Variants in SLC41A2 observed in about 807,000 individuals in gnomAD.
SLC41A2 encodes the protein SLC41A1-like 1.
SLC41A2 carries 32 observed loss-of-function variants against 58.3 expected under a neutral mutation model. That is an observed-to-expected ratio of 0.55 (90% CI 0.41 to 0.74). The LOEUF (loss-of-function observed/expected upper bound fraction) is 0.74. Ranked by LOEUF, SLC41A2 falls within the 30% of genes least tolerant of loss-of-function variation. The pLI is 0.00. For missense variants in SLC41A2, 514 were observed against 680.6 expected (o/e 0.76, Z 2.72); for synonymous variants, 190 against 235.0 (o/e 0.81, Z 1.75).
At position 104,928,313 on chromosome 12, in the gene SLC41A2, G is replaced by A. The variant is rs762575213; in HGVS notation, c.215C>T (p.Ala72Val). ...AGATCTATTACTAAAAGTCTGTACT[G>A]CAGTTGATAATCCATCTTGCCAAAT... ...NGIWQDGLST[A>V]VQTFSNRSEQ... The change falls in exon 2 of 11, where the codon GCA becomes GTA. Residue 72 changes from alanine (A) to valine (V), a missense_variant. Ala to Val is a moderately conservative substitution (Grantham distance 64, BLOSUM62 0). This residue lies in a region of SLC41A2 where 336 missense variants were observed against 430.0 expected (regional missense o/e 0.78). Transcript: ENST00000258538. The A allele has an allele frequency of 6.2e-7, 1 of 1,613,396 alleles. No individual in the cohort carries two copies. Among genetic ancestry groups the A allele is most frequent in the Admixed American group, 1.7e-5 (1 of 59,910 alleles).
chr12:104,879,394 T>C (rs2044242041), intron 6 of SLC41A2, among the ~76,000 whole-genome samples: 2 of 152,250 alleles, frequency 1.3e-5, no homozygotes, highest in Admixed American at 1.3e-4. Flanking sequence ...CATGCCTATG[T>C]CCCGAATGGT....
At chr12:104,878,920 C>T (rs1295394299) in intron 6 of SLC41A2, among the ~76,000 whole-genome samples, 1 of 152,156 alleles carries the variant, frequency 6.6e-6, no homozygotes, top group African/African-American at 2.4e-5. Flanking sequence ...CTAGTTTACA[C>T]TCCCACCAAC....
At chr12:104,853,411 C>T (rs780096017) in intron 8 of SLC41A2, among the ~76,000 whole-genome samples, 8 of 152,206 alleles carry the variant, frequency 5.3e-5, no homozygotes, top group Non-Finnish European at 8.8e-5. Context: ...CACCTATCCT[C>T]CTCTCAAGAC....
intron 10 of SLC41A2, chr12:104,834,016 T>C (rs990638529): frequency 2.0e-6 from 2 of 985,350 alleles, no homozygotes; most frequent in Non-Finnish European, 2.4e-6. Context: ...GAAAAGATGG[T>C]TGAGCTTCCC....
intron 2 of SLC41A2, among the ~76,000 whole-genome samples, chr12:104,913,410 C>T (rs1029323471): frequency 2.6e-5 from 4 of 152,190 alleles, no homozygotes; most frequent in African/African-American, 9.7e-5. Flanking sequence ...ATCTTGACTG[C>T]TCCCACCCTC....
At chr12:104,874,482 T>C (rs2043953161) in intron 6 of SLC41A2, among the ~76,000 whole-genome samples, 1 of 152,190 alleles carries the variant, frequency 6.6e-6, no homozygotes, top group Non-Finnish European at 1.5e-5. Flanking sequence ...CTTCAGGCGT[T>C]ATGTTTAGGT....
chr12:104,932,624 C>CAA (rs544329617), intron 1 of SLC41A2, among the ~76,000 whole-genome samples: 586 of 45,394 alleles, frequency 0.013, 22 homozygotes, highest in African/African-American at 0.039. Context: ...GACTTTGTCT[C>CAA]AAAAAAAAAA....
chr12:104,929,468 G>T (rs943235385), intron 1 of SLC41A2, among the ~76,000 whole-genome samples: 5 of 152,238 alleles, frequency 3.3e-5, no homozygotes, highest in African/African-American at 1.2e-4. Context: ...ATAGTTCTCA[G>T]TCTGCTCTGG....
At chr12:104,891,703 G>C (rs2044981617) in intron 4 of SLC41A2, among the ~76,000 whole-genome samples, 1 of 151,590 alleles carries the variant, frequency 6.6e-6, no homozygotes, top group Non-Finnish European at 1.5e-5. Flanking sequence ...AAAGCAATCA[G>C]ATAAGAGAAA....
At chr12:104,856,753 A>G (rs2043034009) in intron 8 of SLC41A2, among the ~76,000 whole-genome samples, 1 of 152,098 alleles carries the variant, frequency 6.6e-6, no homozygotes, top group Non-Finnish European at 1.5e-5. Flanking sequence ...AAGAAGTTAA[A>G]AATAGACATT....
At chr12:104,825,794 G>A (rs888523314) in intron 10 of SLC41A2, among the ~76,000 whole-genome samples, 10 of 152,192 alleles carry the variant, frequency 6.6e-5, no homozygotes, top group African/African-American at 2.4e-4. Context: ...AAATGGGCAG[G>A]ACCAATTCCT....
chr12:104,830,825 T>G (rs925314721), intron 10 of SLC41A2, among the ~76,000 whole-genome samples: 2 of 152,210 alleles, frequency 1.3e-5, no homozygotes, highest in African/African-American at 4.8e-5. Context: ...ACAAGCTATT[T>G]CCTACATTAT....
chr12:104,928,280 T>G lies in SLC41A2; in HGVS notation c.248A>C (p.His83Pro), dbSNP rs1479947210. 2.5e-6 allele frequency: 4 copies of G among 1,613,484 alleles called. No individual in the cohort carries two copies. The highest frequency in any genetic ancestry group is 2.5e-6 in the Non-Finnish European group (3 of 1,179,488). The change falls in exon 2 of 11, where the codon CAC (histidine) becomes CCC (proline). Residue 83 changes from histidine to proline, a missense_variant. This residue lies in a region of SLC41A2 where 336 missense variants were observed against 430.0 expected (regional missense o/e 0.78). Coordinates refer to ENST00000258538, the MANE Select transcript of SLC41A2 (RefSeq NM_001352171.3). Reference sequence around the variant, plus strand: ...CTCTGAGAAACTGTGATACTCCATGTGTTGCTCAGATCTATTACTAAAAGT... The same window carrying G: ...CTCTGAGAAACTGTGATACTCCATGGGTTGCTCAGATCTATTACTAAAAGT... ...VQTFSNRSEQ[H>P]MEYHSFSEQS...
intron 10 of SLC41A2, among the ~76,000 whole-genome samples, chr12:104,826,975 T>C (rs1288600980): frequency 6.6e-6 from 1 of 152,132 alleles, no homozygotes; most frequent in African/African-American, 2.4e-5. Flanking sequence ...CTAAATGGGA[T>C]CCCAGTGACA....
At chr12:104,921,595 G>T (rs547953692) in intron 2 of SLC41A2, among the ~76,000 whole-genome samples, 17 of 150,924 alleles carry the variant, frequency 1.1e-4, no homozygotes, top group Admixed American at 2.6e-4. Context: ...CTCTAGTTTT[G>T]TCTTATAAGA....
At chr12:104,932,066 T>C (rs1163985542) in intron 1 of SLC41A2, among the ~76,000 whole-genome samples, 12 of 152,308 alleles carry the variant, frequency 7.9e-5, no homozygotes, top group Middle Eastern at 3.4e-3. Flanking sequence ...CCATCATGCA[T>C]TGAGGAAAAT....
At chr12:104,818,836 C>T (rs1215461773) in intron 10 of SLC41A2, among the ~76,000 whole-genome samples, 1 of 151,974 alleles carries the variant, frequency 6.6e-6, no homozygotes, top group Non-Finnish European at 1.5e-5. Flanking sequence ...AAGATTGTGC[C>T]ATTGCACTCC....
At chr12:104,880,479 A>G (rs143664131) in intron 6 of SLC41A2, among the ~76,000 whole-genome samples, 2,642 of 152,270 alleles carry the variant, frequency 0.017, 58 homozygotes, top group East Asian at 0.12. Flanking sequence ...TACTATTTTG[A>G]GATATGTCCC....
At chr12:104,820,841 C>T (rs2041605406) in intron 10 of SLC41A2, among the ~76,000 whole-genome samples, 2 of 152,112 alleles carry the variant, frequency 1.3e-5, no homozygotes, top group Admixed American at 6.5e-5. Context: ...GACGGGGTTT[C>T]ATCATGTTGG....
Sources: allele counts gnomAD v4.1 joint callset (sites outside exome capture counted in the v4.1 genomes callset), GRCh38; gene constraint gnomAD v4.1.1; regional missense constraint gnomAD v4.1.1; transcripts MANE v1.5; gene names NCBI Gene and HGNC (gene_info 2026-07-23, HGNC 2026-07-21).